The following FMNL3 variants were observed in gnomAD, a reference collection of about 807,000 sequenced individuals.
The protein encoded by FMNL3 is formin like 3.
In FMNL3, 57 loss-of-function variants were observed where a neutral mutation model predicts 119.6. That is an observed-to-expected ratio of 0.48 (90% CI 0.39 to 0.59). The LOEUF is 0.59. FMNL3 is among the 20% of genes least tolerant of loss of function. FMNL3 has a pLI of 0.00. For missense variants in FMNL3, 1,053 were observed against 1,323.5 expected, an observed-to-expected ratio of 0.80 and a Z score of 3.17; for synonymous variants, 491 against 507.3, an observed-to-expected ratio of 0.97 and a Z score of 0.43.
chr12:49,707,146 C>T lies in FMNL3; in HGVS notation c.35G>A (p.Gly12Glu). 1.9e-6 allele frequency: 3 copies of T among 1,592,992 alleles called. No individual in the cohort carries two copies. Among genetic ancestry groups the T allele is most frequent in the Non-Finnish European group, 2.6e-6 (3 of 1,171,096 alleles). The change falls in exon 1 of 26, where the codon GGA (glycine) becomes GAA (glutamate). Residue 12 changes from glycine (G) to glutamate (E), a missense_variant. Transcript: ENST00000335154. ...GNLESAEGVP[G>E]EPPSVPLLLP... ...CAACAACGGGACAGAGGGGGGCTCTCCCGGGACCCCCTCGGCGCTCTCCAG... is the reference window on the plus strand; with the variant it reads ...CAACAACGGGACAGAGGGGGGCTCTTCCGGGACCCCCTCGGCGCTCTCCAG...
intron 13 of FMNL3, 72 bp downstream of exon 13, chr12:49,653,154 G>GA (rs979450832): frequency 2.9e-6 from 4 of 1,391,254 alleles, no homozygotes; most frequent in Non-Finnish European, 3.1e-6. Context: ...ATGACTCAGG[G>GA]AAAAAAAGCA....
Position 49,649,645 on chromosome 12 carries a change from G to T in FMNL3, c.2235+46C>A, listed in dbSNP as rs765062731. ...AGGGGAGGTGACTAGCAGATGGAGG[G>T]TGGAGGGACAGCTGTCCAGAGCCAT... On this transcript the variant is annotated intron_variant, in intron 18 of 25. Transcript: ENST00000335154. The surrounding 1 kb of genome is among the most constrained non-coding windows in gnomAD (Gnocchi z 5.6). The T allele has an allele frequency of 2.5e-6, 4 of 1,611,246 alleles. No individual in the cohort carries two copies. In the South Asian group the frequency reaches 3.3e-5, roughly 13 times the overall value.
chr12:49,645,816 C>T lies in FMNL3; in HGVS notation c.3083G>A (p.Ter1028=). Residue 1028 remains the stop codon, a stop_retained_variant, in exon 26 of 26, where the codon TGA becomes TAA. Transcript: ENST00000335154. ...AGTGCTTCTGCCTCCGAGAGGGTCT[C>T]AGTGGGGGCCTGGAGCCCGAGGGGG... is the stretch of plus-strand genomic sequence containing the variant. The part of the protein sequence containing the change: ...SGPPRAPGPH[*] 1 of 1,599,800 alleles carries T rather than the reference C, an allele frequency of 6.3e-7. No homozygotes were observed. The highest frequency in any genetic ancestry group is 8.5e-7 in the Non-Finnish European group (1 of 1,175,492).
At chr12:49,670,206 A>G (rs1592668291) in intron 1 of FMNL3, among the ~76,000 whole-genome samples, 2 of 152,370 alleles carry the variant, frequency 1.3e-5, no homozygotes, top group South Asian at 4.1e-4. Context: ...CTGAGGAGTC[A>G]CATAGGCCCT....
chr12:49,644,058 C>T lies in FMNL3; in HGVS notation c.*1757G>A. On this transcript the variant is annotated 3_prime_UTR_variant, in exon 26 of 26. Coordinates refer to ENST00000335154, the MANE Select transcript of FMNL3 (RefSeq NM_175736.5). Reference sequence around the variant, plus strand: ...GCACGCTGGTCAAGCTTCCACGGCCCTTAGTGCAGGCTAAGGGTGAACTGT... The same window carrying T: ...GCACGCTGGTCAAGCTTCCACGGCCTTTAGTGCAGGCTAAGGGTGAACTGT... The T allele has an allele frequency of 6.2e-7, 1 of 1,614,192 alleles. No individual in the cohort carries two copies. The highest frequency in any genetic ancestry group is 1.3e-5 in the African/African-American group (1 of 75,058).
intron 1 of FMNL3, among the ~76,000 whole-genome samples, chr12:49,694,630 G>T (rs1944702243): frequency 6.6e-6 from 1 of 152,080 alleles, no homozygotes; most frequent in African/African-American, 2.4e-5. Flanking sequence ...AGTATATCAG[G>T]ACGAGTGCGG....
At chr12:49,677,992 A>G (rs897379678) in intron 1 of FMNL3, among the ~76,000 whole-genome samples, 1 of 151,918 alleles carries the variant, frequency 6.6e-6, no homozygotes, top group African/African-American at 2.4e-5. Flanking sequence ...CCTCCCAAGT[A>G]GCTGGGACTA....
In FMNL3 at chr12:49,697,815, T is replaced by C. The variant is rs565594353; in HGVS notation, c.126+9240A>G. On this transcript the variant is annotated intron_variant, in intron 1 of 25. Coordinates refer to ENST00000335154, the MANE Select transcript of FMNL3 (RefSeq NM_175736.5). ...CTCACACGTGTCATAAAGGATGAAA[T>C]TGACTCAGAAAAGTTACAGGATTTG... Among the ~76,000 whole-genome samples the C allele has an allele frequency of 3.4e-4, 51 of 152,174 alleles. No individual in the cohort carries two copies. The East Asian group carries it at 3.5e-3, about 10-fold the overall frequency.
chr12:49,639,742 G>C lies in FMNL3; in HGVS notation c.*6073C>G, dbSNP rs1288209876. ...ATAGAGTCACTAAGTAGAATTGATA[G>C]ATTTTGTGAAATGGAGGGAAAGGAA... On this transcript the variant is annotated 3_prime_UTR_variant, in exon 26 of 26. Coordinates refer to ENST00000335154, the MANE Select transcript of FMNL3 (RefSeq NM_175736.5). 4 of 152,242 alleles carry C rather than the reference G, an allele frequency of 2.6e-5. No individual in the cohort carries two copies. Among genetic ancestry groups the C allele is most frequent in the Non-Finnish European group, 5.9e-5 (4 of 68,018 alleles). 9.4% of individuals were successfully genotyped at this position (152,242 alleles called of 1,614,324 possible).
chr12:49,652,410 T>C (rs1447069094), intron 13 of FMNL3, among the ~76,000 whole-genome samples, 198 bp from the exon 14 acceptor site: 4 of 151,946 alleles, frequency 2.6e-5, no homozygotes, highest in Non-Finnish European at 5.9e-5. Context: ...AGAAGCTGCC[T>C]CCCTCCGCTG....
In FMNL3 at chr12:49,643,132, C is replaced by G. The variant is rs2138662939; in HGVS notation, c.*2683G>C. 6 of 1,586,718 alleles carry G rather than the reference C, an allele frequency of 3.8e-6. No homozygotes were observed. The South Asian group carries it at 6.7e-5, about 18-fold the overall frequency. On this transcript the variant is annotated 3_prime_UTR_variant, in exon 26 of 26. Transcript: ENST00000335154. ...AGGGAAGTTTGAGGATTCCTTTGGC[C>G]CTGGGTCCTCCTCCTCTCTCGAATT...
Position 49,668,510 on chromosome 12 carries a change from C to G in FMNL3, c.171G>C (p.Gln57His). 6.2e-7 allele frequency: 1 copy of G among 1,614,182 alleles called. No individual in the cohort carries two copies. The highest frequency in any genetic ancestry group is 1.1e-5 in the South Asian group (1 of 91,090). The change falls in exon 2 of 26, where the codon CAG becomes CAC. Residue 57 changes from glutamine (Q) to histidine (H), a missense_variant. Physicochemically the swap from Gln to His is conservative, Grantham distance 24. This residue lies in a region of FMNL3 where 264 missense variants were observed against 265.5 expected (regional missense o/e 0.99). Coordinates refer to ENST00000335154, the MANE Select transcript of FMNL3 (RefSeq NM_175736.5). ...GATCCCATTTCTTCTCATTGTCATA[C>G]TGCCGCAGGAGCCGGGCCTTGTCTG... ...LPPDKARLLRQYDNEKKWDLI... is the reference protein window; with the variant it reads ...LPPDKARLLRHYDNEKKWDLI...
Position 49,657,170 on chromosome 12 carries a change from C to A in FMNL3, c.626G>T (p.Arg209Leu), listed in dbSNP as rs202178648. 2.5e-6 allele frequency: 4 copies of A among 1,614,014 alleles called. No individual in the cohort carries two copies. In the South Asian group the frequency reaches 4.4e-5, roughly 18 times the overall value. Residue 209 changes from arginine (R) to leucine (L), a missense_variant, in exon 7 of 26, where the codon CGC (arginine) becomes CTC (leucine). Coordinates refer to ENST00000335154, the MANE Select transcript of FMNL3 (RefSeq NM_175736.5). ...TAGGCGGGAGTTCTTCAGGGCCCTG[C>A]GCCCAGGGAGAGTGCTATACCTGGG... Reference protein sequence around the residue: ...SVLRYSTLPGRRALKNSRLVS... With the variant: ...SVLRYSTLPGLRALKNSRLVS...
chr12:49,699,306 C>CT (rs1481957943), intron 1 of FMNL3, among the ~76,000 whole-genome samples: 17 of 152,362 alleles, frequency 1.1e-4, no homozygotes, highest in Non-Finnish European at 1.3e-4. Context: ...TCTGCCCAGC[C>CT]TCCCCAAGCA....
intron 2 of FMNL3, among the ~76,000 whole-genome samples, chr12:49,667,358 G>T (rs1055107162): frequency 6.6e-6 from 1 of 152,124 alleles, no homozygotes; most frequent in African/African-American, 2.4e-5. Flanking sequence ...AATATCAAAG[G>T]GTTACTGTTC....
At chr12:49,670,660 A>T (rs1417766277) in intron 1 of FMNL3, among the ~76,000 whole-genome samples, 3 of 152,240 alleles carry the variant, frequency 2.0e-5, no homozygotes, top group Non-Finnish European at 4.4e-5. Context: ...CTGCTGCACT[A>T]TGCATCTGCC....
intron 1 of FMNL3, among the ~76,000 whole-genome samples, chr12:49,670,219 A>G (rs934264987): frequency 1.3e-5 from 2 of 152,252 alleles, no homozygotes; most frequent in African/African-American, 4.8e-5. Flanking sequence ...TAGGCCCTGC[A>G]TTATTCCAGA....
chr12:49,692,682 T>C (rs1289292675), intron 1 of FMNL3, among the ~76,000 whole-genome samples: 1 of 152,200 alleles, frequency 6.6e-6, no homozygotes, highest in Non-Finnish European at 1.5e-5. Context: ...ATTTATTGAG[T>C]GCCTACCCTG....
At chr12:49,700,400 A>AAG (rs1944873002) in intron 1 of FMNL3, among the ~76,000 whole-genome samples, 2 of 150,234 alleles carry the variant, frequency 1.3e-5, no homozygotes, top group Non-Finnish European at 3.0e-5. Context: ...TCAAAAAAAA[A>AAG]AAAAAAAAAA....
Sources: allele counts gnomAD v4.1 joint callset (sites outside exome capture counted in the v4.1 genomes callset), GRCh38; gene constraint gnomAD v4.1.1; regional missense constraint gnomAD v4.1.1; non-coding constraint Gnocchi (gnomAD v3.1); transcripts MANE v1.5; gene names NCBI Gene and HGNC (gene_info 2026-07-23, HGNC 2026-07-21).